ST8SIA6: variants seen among roughly 807,000 people sequenced by gnomAD.
ST8SIA6 encodes the protein alpha-2,8-sialyltransferase 8F.
In ST8SIA6, 39 loss-of-function variants were observed where a neutral mutation model predicts 33.6. That is an observed-to-expected ratio of 1.16 (90% CI 0.90 to 1.52). The LOEUF is 1.52. ST8SIA6 is among the 40% of genes most tolerant of loss of function. The pLI is 0.00. For missense variants in ST8SIA6, 441 were observed against 443.8 expected, an observed-to-expected ratio of 0.99 and a Z score of 0.06; for synonymous variants, 172 against 167.2, an observed-to-expected ratio of 1.03 and a Z score of -0.22.
chr10:17,414,346 C>T (rs1459611066), intron 2 of ST8SIA6, among the ~76,000 whole-genome samples: 1 of 152,138 alleles, frequency 6.6e-6, no homozygotes, highest in East Asian at 1.9e-4. Context: ...TCTCCCGTCT[C>T]CTCCAACCTC....
At position 17,315,801 on chromosome 10, in the gene ST8SIA6, G is replaced by A. The variant is rs1178710698; in HGVS notation, c.*5077C>T. Among the ~76,000 whole-genome samples, 2 of 151,844 alleles carry A rather than the reference G, an allele frequency of 1.3e-5. No individual in the cohort carries two copies. Among genetic ancestry groups the A allele is most frequent in the Non-Finnish European group, 2.9e-5 (2 of 67,828 alleles). ...AAGTAGCACAAGAAAACATTTTGGGGTAATGAATATATACATTGTCTTAAT... is the reference window on the plus strand; with the variant it reads ...AAGTAGCACAAGAAAACATTTTGGGATAATGAATATATACATTGTCTTAAT... On this transcript the variant is annotated 3_prime_UTR_variant, in exon 8 of 8. Coordinates refer to ENST00000377602, the MANE Select transcript of ST8SIA6 (RefSeq NM_001004470.3).
At chr10:17,327,191 T>C in intron 5 of ST8SIA6, 65 bp from the exon 6 acceptor site, 1 of 1,208,942 alleles carries the variant, frequency 8.3e-7, no homozygotes, top group East Asian at 2.5e-5. Flanking sequence ...GACAACAGCT[T>C]AATTCTAGTA....
chr10:17,319,310 A>G lies in ST8SIA6; in HGVS notation c.*1568T>C, dbSNP rs191255264. On this transcript the variant is annotated 3_prime_UTR_variant, in exon 8 of 8. Coordinates refer to ENST00000377602, the MANE Select transcript of ST8SIA6 (RefSeq NM_001004470.3). ...TATGAACACTATTTTGCAGATTTGTAGATTAATTACCACCAATTCTGACTA... is the reference window on the plus strand; with the variant it reads ...TATGAACACTATTTTGCAGATTTGTGGATTAATTACCACCAATTCTGACTA... 2.6e-5 allele frequency among the ~76,000 whole-genome samples: 4 copies of G among 152,330 alleles called. No homozygotes were observed. The East Asian group carries it at 5.8e-4, about 22-fold the overall frequency.
chr10:17,405,164 T>C (rs148987592), intron 2 of ST8SIA6, among the ~76,000 whole-genome samples: 30 of 151,984 alleles, frequency 2.0e-4, no homozygotes, highest in African/African-American at 6.3e-4. Flanking sequence ...AGCCCAGGAG[T>C]TCGAAAGCAG....
chr10:17,434,874 C>T (rs1852203572), intron 2 of ST8SIA6, among the ~76,000 whole-genome samples: 1 of 152,186 alleles, frequency 6.6e-6, no homozygotes, highest in Non-Finnish European at 1.5e-5. Context: ...GGGCAACTTT[C>T]TGGAGGTGGC....
At chr10:17,381,757 T>C (rs1466314138) in intron 3 of ST8SIA6, among the ~76,000 whole-genome samples, 1 of 152,230 alleles carries the variant, frequency 6.6e-6, no homozygotes, top group Non-Finnish European at 1.5e-5. Context: ...GCTTGTGTAA[T>C]TTTTAATAAG....
chr10:17,426,329 G>C (rs1030365367), intron 2 of ST8SIA6, among the ~76,000 whole-genome samples: 3 of 152,156 alleles, frequency 2.0e-5, no homozygotes, highest in Admixed American at 2.0e-4. Context: ...GGGGTGACTA[G>C]GAGGCAATTA....
chr10:17,425,642 AAAG>A (rs1464469102), intron 2 of ST8SIA6, among the ~76,000 whole-genome samples: 2 of 148,510 alleles, frequency 1.3e-5, no homozygotes, highest in African/African-American at 2.5e-5. Context: ...AGAGAGGAAG[AAAG>A]GAGGGAGGGA....
chr10:17,423,973 C>T (rs887472512), intron 2 of ST8SIA6, among the ~76,000 whole-genome samples: 1 of 152,204 alleles, frequency 6.6e-6, no homozygotes, highest in African/African-American at 2.4e-5. Context: ...GCAAATCTCC[C>T]TTGAATCCTT....
At chr10:17,368,965 C>T (rs1849648603) in intron 3 of ST8SIA6, among the ~76,000 whole-genome samples, 1 of 152,158 alleles carries the variant, frequency 6.6e-6, no homozygotes, top group Non-Finnish European at 1.5e-5. Context: ...GTACTGGCAT[C>T]ACATAGGATA....
intron 2 of ST8SIA6, among the ~76,000 whole-genome samples, chr10:17,434,838 T>A (rs992267100): frequency 2.6e-5 from 4 of 152,170 alleles, no homozygotes; most frequent in Non-Finnish European, 5.9e-5. Context: ...GCATGGTTTA[T>A]GGTTTCTCTT....
At chr10:17,392,558 G>A (rs1031980000) in intron 2 of ST8SIA6, among the ~76,000 whole-genome samples, 1 of 152,106 alleles carries the variant, frequency 6.6e-6, no homozygotes, top group East Asian at 1.9e-4. Flanking sequence ...TCCAAAATGG[G>A]GAGCAGCCTG....
In ST8SIA6 at chr10:17,435,963, G is replaced by A. The variant is rs572372321; in HGVS notation, c.200+17596C>T. On this transcript the variant is annotated intron_variant, in intron 2 of 7. Transcript: ENST00000377602. ...AATAAATCAGAGTCTAGGGACCAGC[G>A]GAGGGAAAGCATTCCGCACATAGCA... 7.9e-5 allele frequency among the ~76,000 whole-genome samples: 12 copies of A among 152,240 alleles called. No homozygotes were observed. In the South Asian group the frequency reaches 1.0e-3, roughly 13 times the overall value.
intron 2 of ST8SIA6, among the ~76,000 whole-genome samples, chr10:17,402,014 A>C (rs1160483521): frequency 3.3e-5 from 5 of 152,174 alleles, no homozygotes; most frequent in Non-Finnish European, 7.3e-5. Context: ...AATGGGAGAA[A>C]ATTTTTGCAA....
intron 2 of ST8SIA6, among the ~76,000 whole-genome samples, chr10:17,441,607 C>A (rs913492661): frequency 9.2e-5 from 14 of 152,098 alleles, no homozygotes; most frequent in African/African-American, 3.4e-4. Context: ...CTGCACCCGG[C>A]CCCTGGATCT....
chr10:17,447,235 G>C (rs1203714567), intron 2 of ST8SIA6, among the ~76,000 whole-genome samples: 8 of 151,062 alleles, frequency 5.3e-5, no homozygotes, highest in African/African-American at 1.7e-4. Flanking sequence ...CTAAAAATTA[G>C]TAAACCCTAT....
At chr10:17,344,399 A>G (rs535494661) in intron 4 of ST8SIA6, among the ~76,000 whole-genome samples, 21 of 152,320 alleles carry the variant, frequency 1.4e-4, no homozygotes, top group African/African-American at 4.6e-4. Flanking sequence ...GCCACATCTC[A>G]CATGGTGGCA....
chr10:17,398,575 T>C (rs1300341184), intron 2 of ST8SIA6, among the ~76,000 whole-genome samples: 1 of 152,192 alleles, frequency 6.6e-6, no homozygotes, highest in Non-Finnish European at 1.5e-5. Flanking sequence ...GTTTCAAGAA[T>C]ATCCCAAATT....
chr10:17,426,969 G>A (rs1044612523), intron 2 of ST8SIA6, among the ~76,000 whole-genome samples: 1 of 152,138 alleles, frequency 6.6e-6, no homozygotes, highest in Non-Finnish European at 1.5e-5. Flanking sequence ...AGGCATGGTG[G>A]TGTGCACCTG....
Sources: gnomAD v4.1 joint callset for allele counts (sites outside exome capture counted in the v4.1 genomes callset) on GRCh38, gnomAD v4.1.1 for gene constraint, MANE v1.5 for transcripts, NCBI Gene and HGNC (gene_info 2026-07-23, HGNC 2026-07-21) for gene names.